The following SH3GL2 variants were observed in gnomAD, a reference collection of about 807,000 sequenced individuals.
SH3GL2 encodes endophilin-A1.
In SH3GL2, 24 loss-of-function variants were observed where a neutral mutation model predicts 46.0. The observed-to-expected ratio is 0.52, with a 90% confidence interval of 0.38 to 0.73. SH3GL2 has a LOEUF of 0.73. SH3GL2 is among the 30% of genes least tolerant of loss of function. SH3GL2 has a pLI of 0.00. For missense variants in SH3GL2, 413 were observed against 424.2 expected (o/e 0.97, Z 0.23); for synonymous variants, 196 against 147.1 (o/e 1.33, Z -2.40).
At chr9:17,751,609 C>A (rs1822848558) in intron 2 of SH3GL2, among the ~76,000 whole-genome samples, 2 of 152,058 alleles carry the variant, frequency 1.3e-5, no homozygotes. Flanking sequence ...TAGTTCCCTC[C>A]CATCATGTGA....
intron 1 of SH3GL2, among the ~76,000 whole-genome samples, chr9:17,703,264 ATAAC>A (rs969024880): frequency 6.6e-5 from 10 of 152,106 alleles, no homozygotes; most frequent in African/African-American, 1.7e-4. Flanking sequence ...TATTTTATAA[ATAAC>A]TAGCTTGAGT....
intron 1 of SH3GL2, among the ~76,000 whole-genome samples, chr9:17,639,142 C>T (rs1267381803): frequency 6.6e-6 from 1 of 152,062 alleles, no homozygotes; most frequent in Non-Finnish European, 1.5e-5. Flanking sequence ...TCTCTCATGA[C>T]ATTAGATTAT....
intron 1 of SH3GL2, among the ~76,000 whole-genome samples, chr9:17,660,037 C>T (rs1429063420): frequency 6.6e-6 from 1 of 152,266 alleles, no homozygotes; most frequent in East Asian, 1.9e-4. Flanking sequence ...ACTCTACCAC[C>T]TATTGGGCTA....
intron 1 of SH3GL2, among the ~76,000 whole-genome samples, chr9:17,667,121 A>G (rs1274381102): frequency 6.6e-6 from 1 of 152,076 alleles, no homozygotes; most frequent in East Asian, 1.9e-4. Context: ...CATATTTGGT[A>G]TATATTTTTA....
In SH3GL2 at chr9:17,745,633, G is replaced by A. The variant is rs375356470; in HGVS notation, c.46-1433G>A. On this transcript the variant is annotated intron_variant, in intron 1 of 8. Coordinates refer to ENST00000380607, the MANE Select transcript of SH3GL2 (RefSeq NM_003026.5). ...AGTGGTCTCTTCTGAGTGTTTTCCC[G>A]ATGGCAGGAAGTGGGAGTGAAGGAC... is the stretch of plus-strand genomic sequence containing the variant. Among the ~76,000 whole-genome samples the A allele has an allele frequency of 2.2e-4, 34 of 152,008 alleles. No individual in the cohort carries two copies. In the East Asian group the frequency reaches 2.7e-3, roughly 12 times the overall value.
intron 1 of SH3GL2, among the ~76,000 whole-genome samples, chr9:17,671,176 A>C (rs1820465086): frequency 6.6e-6 from 1 of 152,222 alleles, no homozygotes; most frequent in Admixed American, 6.5e-5. Flanking sequence ...TTAGTACTGA[A>C]AGGAGATAGA....
chr9:17,754,018 A>C (rs1034788893), intron 2 of SH3GL2, among the ~76,000 whole-genome samples: 11 of 152,072 alleles, frequency 7.2e-5, no homozygotes, highest in Non-Finnish European at 1.6e-4. Context: ...TGAGATCTCT[A>C]TTCTATTCTG....
In SH3GL2 at chr9:17,615,527, C is replaced by T. The variant is rs139575274; in HGVS notation, c.45+36240C>T. 5.7e-3 allele frequency among the ~76,000 whole-genome samples: 872 copies of T among 151,866 alleles called. 11 individuals carry two copies. The highest frequency in any genetic ancestry group is 0.019 in the African/African-American group (778 of 41,416). ...AAAATTAGCCAGGCGTGGCAGCGGG[C>T]GCCTGTAATCCCAGCTACTCGGGAA... On this transcript the variant is annotated intron_variant, in intron 1 of 8. Coordinates refer to ENST00000380607, the MANE Select transcript of SH3GL2 (RefSeq NM_003026.5).
At chr9:17,732,962 C>T (rs556463028) in intron 1 of SH3GL2, among the ~76,000 whole-genome samples, 3 of 152,222 alleles carry the variant, frequency 2.0e-5, no homozygotes, top group African/African-American at 7.2e-5. Flanking sequence ...TCTGTAACAC[C>T]TGGCTGTCTG....
intron 1 of SH3GL2, among the ~76,000 whole-genome samples, chr9:17,709,619 C>T (rs1401529931): frequency 2.0e-5 from 3 of 150,632 alleles, no homozygotes; most frequent in African/African-American, 7.4e-5. Context: ...GAAAACGTTT[C>T]TCATTATATT....
In SH3GL2 at chr9:17,590,650, T is replaced by C. The variant is rs560400003; in HGVS notation, c.45+11363T>C. On this transcript the variant is annotated intron_variant, in intron 1 of 8. Transcript: ENST00000380607. The stretch of plus-strand genomic sequence containing the variant: ...ATATATTTATAGTGCTCATCGTCCC[T>C]ATGTTCTAGACATGGAAAGCTCCTT... The C allele has an allele frequency of 3.9e-5, 6 of 152,366 alleles. No individual in the cohort carries two copies. The South Asian group carries it at 1.2e-3, about 32-fold the overall frequency. The allele number at this position is 152,366 out of a possible 1,614,324, so 9.4% of individuals were successfully genotyped here.
intron 1 of SH3GL2, among the ~76,000 whole-genome samples, chr9:17,673,723 C>G (rs187845732): frequency 2.6e-5 from 4 of 152,246 alleles, no homozygotes; most frequent in Non-Finnish European, 1.5e-5. Context: ...TCCCTGAAAC[C>G]ACCATAATGC....
intron 1 of SH3GL2, among the ~76,000 whole-genome samples, chr9:17,660,690 C>G (rs747992052): frequency 6.6e-6 from 1 of 152,130 alleles, no homozygotes; most frequent in Non-Finnish European, 1.5e-5. Flanking sequence ...TCTAGGGACA[C>G]TAGAGAATTT....
chr9:17,792,344 T>C (rs1442915464), intron 7 of SH3GL2, among the ~76,000 whole-genome samples: 1 of 152,234 alleles, frequency 6.6e-6, no homozygotes, highest in Non-Finnish European at 1.5e-5. Flanking sequence ...TATGTGTCTT[T>C]GTAATGTCTC....
chr9:17,789,892 G>T (rs1433252800), intron 6 of SH3GL2: 6 of 440,292 alleles, frequency 1.4e-5, no homozygotes, highest in Non-Finnish European at 1.8e-5. Flanking sequence ...GGGTACTTGA[G>T]GTATGGTTTC....
Position 17,614,985 on chromosome 9 carries a change from G to A in SH3GL2, c.45+35698G>A, listed in dbSNP as rs372963608. Among the ~76,000 whole-genome samples the A allele has an allele frequency of 2.0e-3, 302 of 152,288 alleles. 2 individuals are homozygous for A. The highest frequency in any genetic ancestry group is 7.0e-3 in the African/African-American group (290 of 41,556). ...TGTAGCCTCCAGCAACCACAGAGGT[G>A]CCCAGATGCCAATGACACCCTGACT... On this transcript the variant is annotated intron_variant, in intron 1 of 8. Transcript: ENST00000380607.
At chr9:17,767,378 A>G (rs1164825188) in intron 3 of SH3GL2, among the ~76,000 whole-genome samples, 1 of 152,204 alleles carries the variant, frequency 6.6e-6, no homozygotes, top group Non-Finnish European at 1.5e-5. Context: ...ACTCTATTAA[A>G]ATTAGTGTAC....
intron 1 of SH3GL2, among the ~76,000 whole-genome samples, chr9:17,636,233 AATGC>A (rs1405228510): frequency 6.6e-6 from 1 of 152,196 alleles, no homozygotes; most frequent in Non-Finnish European, 1.5e-5. Flanking sequence ...GCATCTTATG[AATGC>A]ATTTCTAGGC....
chr9:17,646,763 C>G (rs535792516), intron 1 of SH3GL2, among the ~76,000 whole-genome samples: 1 of 152,156 alleles, frequency 6.6e-6, no homozygotes, highest in Admixed American at 6.5e-5. Context: ...CCCACAGGGG[C>G]AACTGCCAGA....
Sources: allele counts gnomAD v4.1 joint callset (sites outside exome capture counted in the v4.1 genomes callset), GRCh38; gene constraint gnomAD v4.1.1; transcripts MANE v1.5; gene names NCBI Gene and HGNC (gene_info 2026-07-23, HGNC 2026-07-21).